POC5: variants seen among roughly 807,000 people sequenced by gnomAD.
POC5 encodes the protein POC5 centriolar protein, also known as centrosomal protein POC5.
POC5 carries 48 observed loss-of-function variants against 62.9 expected under a neutral mutation model. That is an observed-to-expected ratio of 0.76 (90% CI 0.61 to 0.97). POC5 has a LOEUF of 0.97. POC5 is among the 50% of genes least tolerant of loss of function. The probability of loss-of-function intolerance (pLI) is 0.00; values close to 1 mark genes in which losing one functional copy is unlikely to be tolerated. For missense variants in POC5, 696 were observed against 679.5 expected (o/e 1.02, Z -0.27); for synonymous variants, 236 against 228.2 (o/e 1.03, Z -0.31).
intron 10 of POC5, among the ~76,000 whole-genome samples, chr5:75,683,031 C>T (rs1447284007): frequency 1.3e-5 from 2 of 152,140 alleles, no homozygotes; most frequent in African/African-American, 4.8e-5. Context: ...TACAGACAGC[C>T]GTCCAGAGCA....
intron 11 of POC5, among the ~76,000 whole-genome samples, chr5:75,677,149 A>G (rs1417537757): frequency 1.3e-5 from 2 of 152,238 alleles, no homozygotes; most frequent in Admixed American, 1.3e-4. Flanking sequence ...GAGAAAGTGG[A>G]GGCTCAAATA....
chr5:75,694,811 T>G lies in POC5; in HGVS notation c.534A>C (p.Leu178=). 1 of 1,543,190 alleles carries G rather than the reference T, an allele frequency of 6.5e-7. No individual in the cohort carries two copies. The change falls in exon 6 of 12, where the codon CTA becomes CTC. Residue 178 remains leucine (L), a synonymous_variant. Coordinates refer to ENST00000428202, the MANE Select transcript of POC5 (RefSeq NM_001099271.2). ...CAATAAAATTAAGTCTCCATTTACT[T>G]AGTTCAGATATGATGTTTGTCTGAA... is the stretch of plus-strand genomic sequence containing the variant. The part of the protein sequence containing the change: ...SGLKTNIISE[L]SKWRLNFIDW...
intron 11 of POC5, among the ~76,000 whole-genome samples, chr5:75,675,483 C>T (rs1454715426): frequency 6.6e-6 from 1 of 152,090 alleles, no homozygotes; most frequent in Non-Finnish European, 1.5e-5. Context: ...TAAAAAACTC[C>T]AAGCTGTAGT....
At chr5:75,702,451 A>C (rs1776927659) in intron 5 of POC5, among the ~76,000 whole-genome samples, 154 bp downstream of exon 5, 1 of 152,220 alleles carries the variant, frequency 6.6e-6, no homozygotes, top group Non-Finnish European at 1.5e-5. Flanking sequence ...AAGTACATTA[A>C]AGATTGAGAA....
chr5:75,698,415 A>C (rs1358128173), intron 5 of POC5, among the ~76,000 whole-genome samples: 1 of 152,142 alleles, frequency 6.6e-6, no homozygotes, highest in East Asian at 1.9e-4. Context: ...TAAGAATCTC[A>C]CTCAAAACCG....
intron 10 of POC5, among the ~76,000 whole-genome samples, chr5:75,683,901 G>T (rs770496134): frequency 6.6e-6 from 1 of 152,046 alleles, no homozygotes; most frequent in African/African-American, 2.4e-5. Context: ...ATGAGGTCTC[G>T]CTATATTGCC....
chr5:75,700,149 T>C (rs1233360848), intron 5 of POC5, among the ~76,000 whole-genome samples: 1 of 151,904 alleles, frequency 6.6e-6, no homozygotes, highest in Non-Finnish European at 1.5e-5. Flanking sequence ...CTGCCCAAGG[T>C]AATTTACAGA....
At chr5:75,674,908 C>G (rs1224024050) in intron 11 of POC5, among the ~76,000 whole-genome samples, 3 of 152,214 alleles carry the variant, frequency 2.0e-5, no homozygotes, top group Non-Finnish European at 4.4e-5. Flanking sequence ...GAGAGAAACT[C>G]TGTGGTGTCT....
At chr5:75,675,219 A>C (rs1775606329) in intron 11 of POC5, among the ~76,000 whole-genome samples, 2 of 152,054 alleles carry the variant, frequency 1.3e-5, no homozygotes, top group Non-Finnish European at 2.9e-5. Context: ...CATGTAATGC[A>C]TGTAAGTACA....
intron 9 of POC5, 120 bp from the exon 10 acceptor site, chr5:75,685,604 G>T (rs1424489208): frequency 1.0e-6 from 1 of 958,266 alleles, no homozygotes; most frequent in Non-Finnish European, 1.6e-6. Flanking sequence ...GATGTTTACA[G>T]TATATTAGAT....
chr5:75,676,608 A>G (rs1452488740), intron 11 of POC5, among the ~76,000 whole-genome samples: 1 of 152,180 alleles, frequency 6.6e-6, no homozygotes, highest in Non-Finnish European at 1.5e-5. Flanking sequence ...TAGAAAGTAC[A>G]CAGGAACGTT....
At chr5:75,686,504 T>C (rs1386086086) in intron 9 of POC5, among the ~76,000 whole-genome samples, 1 of 152,226 alleles carries the variant, frequency 6.6e-6, no homozygotes, top group Non-Finnish European at 1.5e-5. Flanking sequence ...ATGATTACAG[T>C]GCCTACCTAG....
intron 2 of POC5, chr5:75,712,600 G>T: frequency 3.7e-6 from 3 of 814,432 alleles, no homozygotes; most frequent in Non-Finnish European, 6.0e-6. Context: ...TTGAACATTT[G>T]TTTCACCTCT....
chr5:75,702,877 A>G, intron 4 of POC5, 67 bp from the exon 5 acceptor site: 1 of 1,280,202 alleles, frequency 7.8e-7, no homozygotes, highest in East Asian at 2.5e-5. Flanking sequence ...AAGGAACCAT[A>G]CTGGAAGGCT....
chr5:75,697,305 A>G (rs1487243481), intron 5 of POC5, among the ~76,000 whole-genome samples: 1 of 152,180 alleles, frequency 6.6e-6, no homozygotes, highest in Non-Finnish European at 1.5e-5. Context: ...GCAGCCAGAG[A>G]GAAAGGTCGG....
rs1375901207 is a variant in POC5 at position 75,717,305 on chromosome 5, C to T, written c.-15+1G>A. 13 of 152,272 alleles carry T rather than the reference C, an allele frequency of 8.5e-5. No individual in the cohort carries two copies. Among genetic ancestry groups the T allele is most frequent in the Admixed American group, 8.5e-4 (13 of 15,290 alleles). The allele number at this position is 152,272 out of a possible 1,614,324, so 9.4% of individuals were successfully genotyped here. A position where few individuals can be genotyped will look rare whatever the true frequency, so the allele number is the denominator to read the frequency against. On this transcript the variant is annotated splice_donor_variant, in intron 1 of 11. Coordinates refer to ENST00000428202, the MANE Select transcript of POC5 (RefSeq NM_001099271.2). LOFTEE classifies it low-confidence loss of function (5UTR_SPLICE). Reference sequence around the variant, plus strand: ...GATCTGCCCGGAGCGCTGCTACCCACCGTCGCCGCTCGCGACCAAATCCCG... The same window carrying T: ...GATCTGCCCGGAGCGCTGCTACCCATCGTCGCCGCTCGCGACCAAATCCCG...
Position 75,689,179 on chromosome 5 carries a change from G to A in POC5, c.976-14C>T, listed in dbSNP as rs1776216525. Reference sequence around the variant, plus strand: ...AGCTCCAGATAACTAAAATAAGAATGTTTAAAAAGCAAAACAATTTGAGAT... The same window carrying A: ...AGCTCCAGATAACTAAAATAAGAATATTTAAAAAGCAAAACAATTTGAGAT... On this transcript the variant is annotated splice_polypyrimidine_tract_variant and intron_variant, in intron 8 of 11. Coordinates refer to ENST00000428202, the MANE Select transcript of POC5 (RefSeq NM_001099271.2). The A allele has an allele frequency of 4.6e-6, 7 of 1,515,208 alleles. No homozygotes were observed. The East Asian group carries it at 1.7e-4, about 37-fold the overall frequency. The allele number at this position is 1,515,208 out of a possible 1,614,324, so 93.9% of individuals were successfully genotyped here. A position where few individuals can be genotyped will look rare whatever the true frequency, so the allele number is the denominator to read the frequency against.
intron 1 of POC5, among the ~76,000 whole-genome samples, chr5:75,714,694 C>T (rs75168664): frequency 0.058 from 8,783 of 152,086 alleles, 410 homozygotes; most frequent in South Asian, 0.17. Flanking sequence ...ACAATGAGTG[C>T]CATATCAGAT....
chr5:75,690,590 A>T (rs965746728), intron 7 of POC5, 28 bp from the exon 8 acceptor site: 2 of 1,490,630 alleles, frequency 1.3e-6, no homozygotes, highest in African/African-American at 2.8e-5. Context: ...ATAACTTCAA[A>T]AACACAGTTG....
Sources: allele counts gnomAD v4.1 joint callset (sites outside exome capture counted in the v4.1 genomes callset), GRCh38; gene constraint gnomAD v4.1.1; transcripts MANE v1.5; gene names NCBI Gene and HGNC (gene_info 2026-07-23, HGNC 2026-07-21).